SKAP2: variants seen among roughly 807,000 people sequenced by gnomAD.
The protein encoded by SKAP2 is src kinase-associated phosphoprotein 2.
Under a neutral mutation model 54.9 loss-of-function variants are expected in SKAP2, and 28 were observed. The ratio of observed to expected loss-of-function variants is 0.51; its 90% CI spans 0.38 to 0.70. SKAP2 has a LOEUF of 0.70. Among genes scored for constraint, SKAP2 ranks in the 30% least tolerant of loss-of-function variants. SKAP2 has a pLI of 0.00. For missense variants in SKAP2, 356 were observed against 424.1 expected, an observed-to-expected ratio of 0.84 and a Z score of 1.41; for synonymous variants, 137 against 134.3, an observed-to-expected ratio of 1.02 and a Z score of -0.14.
At chr7:26,727,093 G>A in intron 6 of SKAP2, 87 bp from the exon 7 acceptor site, 2 of 1,115,658 alleles carry the variant, frequency 1.8e-6, no homozygotes, top group Non-Finnish European at 2.5e-6. Context: ...ATCAATTCTT[G>A]GAAATAACAT....
chr7:26,810,337 GA>G (rs879917845), intron 4 of SKAP2, among the ~76,000 whole-genome samples: 5 of 148,922 alleles, frequency 3.4e-5, no homozygotes, highest in East Asian at 2.0e-4. Context: ...GAAAAAGAAA[GA>G]AAAAAAAAGA....
intron 11 of SKAP2, among the ~76,000 whole-genome samples, chr7:26,683,538 A>G (rs1786557564): frequency 7.1e-6 from 1 of 141,042 alleles, no homozygotes; most frequent in South Asian, 2.1e-4. Context: ...GGATGGATGG[A>G]AGGAAGGAAG....
At chr7:26,845,654 G>C (rs577507977) in intron 3 of SKAP2, among the ~76,000 whole-genome samples, 1 of 152,304 alleles carries the variant, frequency 6.6e-6, no homozygotes, top group African/African-American at 2.4e-5. Context: ...GTGCTAGGCT[G>C]GTGGCAGTGC....
chr7:26,781,184 G>C (rs1419508786), intron 4 of SKAP2, among the ~76,000 whole-genome samples: 4 of 152,070 alleles, frequency 2.6e-5, no homozygotes, highest in Non-Finnish European at 5.9e-5. Flanking sequence ...CATCAACACA[G>C]AATCAATATA....
At chr7:26,698,679 G>A (rs998467229) in intron 9 of SKAP2, among the ~76,000 whole-genome samples, 1 of 152,184 alleles carries the variant, frequency 6.6e-6, no homozygotes. Flanking sequence ...AGCTGAATTA[G>A]CCATTTTTTT....
chr7:26,844,368 A>G (rs1225476802), intron 3 of SKAP2, among the ~76,000 whole-genome samples: 1 of 152,086 alleles, frequency 6.6e-6, no homozygotes, highest in Non-Finnish European at 1.5e-5. Context: ...TCATTATACA[A>G]TTGCTTATTT....
chr7:26,697,246 C>T (rs1253201149), intron 9 of SKAP2, among the ~76,000 whole-genome samples: 3 of 152,096 alleles, frequency 2.0e-5, no homozygotes, highest in Admixed American at 6.6e-5. Context: ...ATCTGCTGCT[C>T]GAGAAGCACT....
intron 4 of SKAP2, among the ~76,000 whole-genome samples, chr7:26,760,692 G>A (rs1782907862): frequency 6.6e-6 from 1 of 152,080 alleles, no homozygotes; most frequent in Non-Finnish European, 1.5e-5. Flanking sequence ...TTGACTGTGG[G>A]CAACTGAAAC....
Position 26,737,499 on chromosome 7 carries a change from T to C in SKAP2, c.469+1296A>G, listed in dbSNP as rs920509593. On this transcript the variant is annotated intron_variant, in intron 6 of 12. Transcript: ENST00000345317. ...GCATTATGTAAGTATTTCAGACTTA[T>C]CTGAAATATGACAATCTTACCTGTA... Among the ~76,000 whole-genome samples the C allele has an allele frequency of 7.2e-5, 11 of 152,310 alleles. No individual in the cohort carries two copies. The East Asian group carries it at 2.1e-3, about 29-fold the overall frequency.
intron 4 of SKAP2, among the ~76,000 whole-genome samples, chr7:26,808,201 G>T (rs1023996773): frequency 1.3e-5 from 2 of 152,052 alleles, no homozygotes; most frequent in Non-Finnish European, 2.9e-5. Flanking sequence ...ATAACCAAAA[G>T]ATGGAAATAA....
intron 9 of SKAP2, among the ~76,000 whole-genome samples, chr7:26,718,080 AAGTCTAGGCTTAGG>A (rs1278208486): frequency 6.6e-6 from 1 of 152,096 alleles, no homozygotes; most frequent in East Asian, 1.9e-4. Flanking sequence ...GTATGGTAGT[AAGTCTAGGCTTAGG>A]CCAAAAAGGG....
chr7:26,752,927 A>C (rs1274401578), intron 4 of SKAP2, among the ~76,000 whole-genome samples: 1 of 152,198 alleles, frequency 6.6e-6, no homozygotes, highest in Admixed American at 6.5e-5. Context: ...GAATGATAAA[A>C]TGCCTGAGTC....
intron 6 of SKAP2, among the ~76,000 whole-genome samples, chr7:26,733,372 T>A (rs977333209): frequency 6.6e-6 from 1 of 151,786 alleles, no homozygotes; most frequent in Non-Finnish European, 1.5e-5. Context: ...TAAAATTATA[T>A]AATTACAATT....
intron 4 of SKAP2, among the ~76,000 whole-genome samples, chr7:26,779,844 T>A (rs937849929): frequency 5.3e-5 from 8 of 152,046 alleles, no homozygotes; most frequent in African/African-American, 1.9e-4. Flanking sequence ...TATACAATAA[T>A]CCAATCTGCT....
chr7:26,717,957 G>A lies in SKAP2; in HGVS notation c.796+7471C>T, dbSNP rs186108429. Among the ~76,000 whole-genome samples the A allele has an allele frequency of 1.3e-3, 193 of 152,018 alleles. 1 individual carries two copies. The highest frequency in any genetic ancestry group is 4.6e-3 in the African/African-American group (189 of 41,500). ...ATCTGCTGGAAGACTCTGCCCATTG[G>A]AGACAGAATTTCTATATCAGAAAAG... is the stretch of plus-strand genomic sequence containing the variant. On this transcript the variant is annotated intron_variant, in intron 9 of 12. Transcript: ENST00000345317.
chr7:26,791,745 T>A (rs1200493327), intron 4 of SKAP2, among the ~76,000 whole-genome samples: 4 of 152,206 alleles, frequency 2.6e-5, no homozygotes, highest in Non-Finnish European at 5.9e-5. Context: ...GCAAAGCAAC[T>A]GTTATTTTCA....
intron 4 of SKAP2, among the ~76,000 whole-genome samples, chr7:26,832,034 A>C (rs761272790): frequency 5.9e-5 from 9 of 152,110 alleles, no homozygotes; most frequent in Non-Finnish European, 1.3e-4. Context: ...CTACTAATTA[A>C]ATTTCTATCC....
intron 1 of SKAP2, among the ~76,000 whole-genome samples, chr7:26,855,572 A>G (rs1460409376): frequency 6.6e-6 from 1 of 152,126 alleles, no homozygotes; most frequent in Admixed American, 6.6e-5. Flanking sequence ...AAGAAGTACA[A>G]ACATAAGTTC....
At chr7:26,826,781 C>T in intron 4 of SKAP2, among the ~76,000 whole-genome samples, 1 of 152,142 alleles carries the variant, frequency 6.6e-6, no homozygotes, top group East Asian at 1.9e-4. Context: ...AAGACAGTGA[C>T]ATACCTTATT....
Sources: gnomAD v4.1 joint callset for allele counts (sites outside exome capture counted in the v4.1 genomes callset) on GRCh38, gnomAD v4.1.1 for gene constraint, MANE v1.5 for transcripts, NCBI Gene and HGNC (gene_info 2026-07-23, HGNC 2026-07-21) for gene names.